The following C2orf76 variants were observed in gnomAD, a reference collection of about 807,000 sequenced individuals.
C2orf76 encodes UPF0538 protein C2orf76.
In C2orf76, 23 loss-of-function variants were observed where a neutral mutation model predicts 16.9. The observed-to-expected ratio is 1.36, with a 90% CI of 0.98 to 1.93. The LOEUF is 1.93. C2orf76 is among the 30% of genes most tolerant of loss of function. The pLI is 0.00. For missense variants in C2orf76, 152 were observed against 152.6 expected, an observed-to-expected ratio of 1.00 and a Z score of 0.02; for synonymous variants, 48 against 52.3, an observed-to-expected ratio of 0.92 and a Z score of 0.35.
Position 119,340,011 on chromosome 2 carries a change from C to G in C2orf76, c.-12-40G>C, listed in dbSNP as rs771905272. The G allele has an allele frequency of 1.0e-5, 16 of 1,584,576 alleles. 2 individuals are homozygous for G. The Admixed American group carries it at 2.7e-4, about 27-fold the overall frequency. ...ATGAGAACCATCTAAATGAAGCCAG[C>G]TCACAGTTGTCTACCAGCACCTAGC... On this transcript the variant is annotated intron_variant, in intron 1 of 5. Transcript: ENST00000334816.
chr2:119,366,260 A>G (rs920287660), intron 1 of C2orf76: 1 of 376,346 alleles, frequency 2.7e-6, no homozygotes, highest in Non-Finnish European at 5.3e-6. Flanking sequence ...GAGTTCAATA[A>G]ACAGCCATTC....
At chr2:119,305,457 A>G (rs1415046704) in intron 5 of C2orf76, among the ~76,000 whole-genome samples, 2 of 152,212 alleles carry the variant, frequency 1.3e-5, no homozygotes, top group Non-Finnish European at 2.9e-5. Context: ...TCTATCAACA[A>G]GGATTTACCC....
intron 1 of C2orf76, among the ~76,000 whole-genome samples, chr2:119,340,755 TACACACACACACACACACAC>T (rs60777590): frequency 3.2e-4 from 45 of 140,354 alleles, no homozygotes; most frequent in African/African-American, 3.7e-4. Context: ...TGCTTTCTAA[TACACACACACACACACACAC>T]ACACACACAC....
the C2orf76 span, among the ~76,000 whole-genome samples, chr2:119,288,054 G>C: frequency 4.3e-4 from 65 of 152,060 alleles, no homozygotes; most frequent in African/African-American, 1.4e-3. Flanking sequence ...GGGGTGGTGG[G>C]CATGTTCTGC....
chr2:119,361,809 G>T (rs894893176), intron 1 of C2orf76, among the ~76,000 whole-genome samples: 1 of 151,992 alleles, frequency 6.6e-6, no homozygotes, highest in Non-Finnish European at 1.5e-5. Context: ...TTTTATAACC[G>T]CACGTCAATC....
intron 1 of C2orf76, among the ~76,000 whole-genome samples, chr2:119,344,386 T>C (rs1043405408): frequency 1.3e-5 from 2 of 151,980 alleles, no homozygotes; most frequent in African/African-American, 4.8e-5. Flanking sequence ...ATTCCTCAAA[T>C]GAAAAGGCAG....
intron 2 of C2orf76, among the ~76,000 whole-genome samples, chr2:119,336,878 C>G (rs1679863547): frequency 6.6e-6 from 1 of 151,942 alleles, no homozygotes; most frequent in Non-Finnish European, 1.5e-5. Flanking sequence ...GACACGGAGT[C>G]CATCCATTTA....
chr2:119,305,558 C>T (rs1678750640), intron 5 of C2orf76, among the ~76,000 whole-genome samples: 1 of 152,128 alleles, frequency 6.6e-6, no homozygotes, highest in Non-Finnish European at 1.5e-5. Flanking sequence ...CTGAGACACA[C>T]GCACTGATTT....
chr2:119,344,476 T>C (rs998251094), intron 1 of C2orf76, among the ~76,000 whole-genome samples: 3 of 152,196 alleles, frequency 2.0e-5, no homozygotes, highest in African/African-American at 7.2e-5. Flanking sequence ...AATGAAATGA[T>C]AGACAATGTC....
intron 1 of C2orf76, among the ~76,000 whole-genome samples, chr2:119,365,331 G>T (rs781077474): frequency 6.6e-6 from 1 of 152,178 alleles, no homozygotes; most frequent in African/African-American, 2.4e-5. Context: ...GCTCTGAATT[G>T]TGATTTTCGA....
chr2:119,290,973 G>A, the C2orf76 span, among the ~76,000 whole-genome samples: 1 of 152,024 alleles, frequency 6.6e-6, no homozygotes, highest in African/African-American at 2.4e-5. Flanking sequence ...CTTACAGGGG[G>A]ACAAACCTAT....
chr2:119,366,998 T>C, upstream of C2orf76: 2 of 1,612,450 alleles, frequency 1.2e-6, no homozygotes, highest in Non-Finnish European at 1.7e-6. Flanking sequence ...GGCGATCGCT[T>C]CCTGGTCCTC....
intron 2 of C2orf76, among the ~76,000 whole-genome samples, chr2:119,328,383 C>G (rs1167404484): frequency 2.0e-5 from 3 of 151,956 alleles, no homozygotes; most frequent in Non-Finnish European, 2.9e-5. Flanking sequence ...ATCTAGGATA[C>G]TGTACTTATT....
chr2:119,309,511 C>T (rs532564742), intron 5 of C2orf76, among the ~76,000 whole-genome samples: 1 of 147,682 alleles, frequency 6.8e-6, no homozygotes, highest in East Asian at 2.0e-4. Flanking sequence ...CCTCTACCTT[C>T]CAGGTTCAAG....
At chr2:119,318,276 T>C (rs1404073843) in intron 3 of C2orf76, among the ~76,000 whole-genome samples, 1 of 152,240 alleles carries the variant, frequency 6.6e-6, no homozygotes, top group East Asian at 1.9e-4. Flanking sequence ...CTCGTTTTTA[T>C]TTAAACATTT....
At chr2:119,333,730 T>C (rs781122081) in intron 2 of C2orf76, among the ~76,000 whole-genome samples, 1 of 152,232 alleles carries the variant, frequency 6.6e-6, no homozygotes, top group Non-Finnish European at 1.5e-5. Flanking sequence ...ATGGTAATCC[T>C]GCCAAAACTG....
chr2:119,292,473 G>A, the C2orf76 span, among the ~76,000 whole-genome samples: 1 of 152,160 alleles, frequency 6.6e-6, no homozygotes, highest in African/African-American at 2.4e-5. Flanking sequence ...GAAAATGCAA[G>A]TGCAGCAGTG....
chr2:119,297,619 T>A (rs1454604621), downstream of C2orf76, among the ~76,000 whole-genome samples: 1 of 152,030 alleles, frequency 6.6e-6, no homozygotes, highest in African/African-American at 2.4e-5. Flanking sequence ...CCATCCTCCC[T>A]CCTCAGCCTC....
In C2orf76 at chr2:119,302,432, C is replaced by A. The variant is rs766007971; in HGVS notation, c.*40G>T. On this transcript the variant is annotated 3_prime_UTR_variant, in exon 6 of 6. Coordinates refer to ENST00000334816, the MANE Select transcript of C2orf76 (RefSeq NM_001322331.2). ...AAAAATTCAGCAGTGGAATAAAGAG[C>A]TTAATACAGGTATGCAAAAAGGAAG... 2.2e-5 allele frequency: 18 copies of A among 817,830 alleles called. No homozygotes were observed. Among genetic ancestry groups the A allele is most frequent in the Non-Finnish European group, 3.4e-5 (17 of 506,422 alleles). The allele number at this position is 817,830 out of a possible 1,614,324, so 50.7% of individuals were successfully genotyped here. A position where few individuals can be genotyped will look rare whatever the true frequency, so the allele number is the denominator to read the frequency against.
Sources: allele counts gnomAD v4.1 joint callset (sites outside exome capture counted in the v4.1 genomes callset), GRCh38; gene constraint gnomAD v4.1.1; transcripts MANE v1.5; gene names NCBI Gene and HGNC (gene_info 2026-07-23, HGNC 2026-07-21).